Variants in USP34 observed in about 807,000 individuals in gnomAD.
USP34 encodes ubiquitin carboxyl-terminal hydrolase 34.
Under a neutral mutation model 460.3 loss-of-function variants are expected in USP34, and 70 were observed. The observed-to-expected ratio is 0.15, with a 90% confidence interval of 0.13 to 0.19. The LOEUF is 0.19. Among genes scored for constraint, USP34 ranks in the 10% least tolerant of loss-of-function variants. The pLI, the probability that USP34 is intolerant of heterozygous loss-of-function variation, is 1.00. For missense variants in USP34, 3,985 were observed against 4,236.2 expected, an observed-to-expected ratio of 0.94 and a Z score of 1.65; for synonymous variants, 1,647 against 1,405.3, an observed-to-expected ratio of 1.17 and a Z score of -3.85.
chr2:61,287,644 T>C (rs1689728656), intron 34 of USP34, among the ~76,000 whole-genome samples: 1 of 152,202 alleles, frequency 6.6e-6, no homozygotes, highest in Non-Finnish European at 1.5e-5. Flanking sequence ...ACAGTAAATA[T>C]ATTTTCTCTT....
chr2:61,416,973 C>T (rs528732490), intron 2 of USP34: 2 of 1,298,922 alleles, frequency 1.5e-6, no homozygotes, highest in African/African-American at 1.4e-5. Flanking sequence ...GCTTCTCAGC[C>T]ACCATATCTT....
chr2:61,470,722 C>T lies in USP34; in HGVS notation c.-30G>A, dbSNP rs778053826. ...CGGCCGCCGCCCCCCCCCTCCCCCG[C>T]TTCGGATCACACTGACTGATCCCGA... On this transcript the variant is annotated 5_prime_UTR_variant, in exon 1 of 80. Coordinates refer to ENST00000398571, the MANE Select transcript of USP34 (RefSeq NM_014709.4). 5 of 1,582,442 alleles carry T rather than the reference C, an allele frequency of 3.2e-6. No individual in the cohort carries two copies. Among genetic ancestry groups the T allele is most frequent in the Non-Finnish European group, 4.3e-6 (5 of 1,161,958 alleles).
At chr2:61,385,811 T>G (rs2694654) in intron 5 of USP34, among the ~76,000 whole-genome samples, 53,503 of 150,230 alleles carry the variant, frequency 0.36, 9,614 homozygotes, top group Admixed American at 0.4. Context: ...TTGGCCAACA[T>G]GGTGAAACTG....
intron 41 of USP34, among the ~76,000 whole-genome samples, chr2:61,276,585 A>G (rs1278146334): frequency 6.6e-6 from 1 of 152,204 alleles, no homozygotes; most frequent in Non-Finnish European, 1.5e-5. Context: ...TGTACTATCT[A>G]AAATTATTTT....
chr2:61,216,459 G>T (rs895651319), intron 67 of USP34, among the ~76,000 whole-genome samples: 1 of 151,816 alleles, frequency 6.6e-6, no homozygotes, highest in African/African-American at 2.4e-5. Flanking sequence ...AATTAGCCAG[G>T]CGTGGTGGTG....
At position 61,394,983 on chromosome 2, in the gene USP34, T is replaced by C. The variant is rs1271912426; in HGVS notation, c.623A>G (p.His208Arg). 6.3e-6 allele frequency: 10 copies of C among 1,597,602 alleles called. No individual in the cohort carries two copies. The highest frequency in any genetic ancestry group is 7.7e-6 in the Non-Finnish European group (9 of 1,175,348). The change falls in exon 5 of 80, where the codon CAT becomes CGT. Residue 208 changes from histidine (H) to arginine (R), a missense_variant. His to Arg is a conservative substitution (Grantham distance 29). This residue lies in a region of USP34 where 331 missense variants were observed against 293.7 expected (regional missense o/e 1.13). Coordinates refer to ENST00000398571, the MANE Select transcript of USP34 (RefSeq NM_014709.4). ...AAACAAACATACATAACGAAGCAAA[T>C]GCAATGGTACTTCTACATCCTGGGA... ...CDMNDVEVPL[H>R]LLRYVCLFCG...
At chr2:61,201,754 G>A (rs914938536) in intron 75 of USP34, among the ~76,000 whole-genome samples, 1 of 152,172 alleles carries the variant, frequency 6.6e-6, no homozygotes, top group South Asian at 2.1e-4. Context: ...TTTGGTTAAA[G>A]CTGTCCGAGT....
chr2:61,368,336 G>A (rs1220201048), intron 10 of USP34, among the ~76,000 whole-genome samples: 1 of 152,106 alleles, frequency 6.6e-6, no homozygotes, highest in East Asian at 1.9e-4. Flanking sequence ...GGAGGCTGAG[G>A]CAGGAGAATC....
At chr2:61,346,835 A>G (rs1202730944) in intron 15 of USP34, among the ~76,000 whole-genome samples, 1 of 137,320 alleles carries the variant, frequency 7.3e-6, no homozygotes, top group African/African-American at 2.7e-5. Flanking sequence ...CCAACTCAAA[A>G]AAAAAAAAAA....
intron 10 of USP34, among the ~76,000 whole-genome samples, chr2:61,359,312 A>C (rs1251355588): frequency 6.6e-6 from 1 of 152,250 alleles, no homozygotes; most frequent in South Asian, 2.1e-4. Flanking sequence ...ACTGACTTTC[A>C]ACCAAGGTTG....
chr2:61,215,459 C>T (rs1282464153), intron 67 of USP34, among the ~76,000 whole-genome samples: 2 of 152,196 alleles, frequency 1.3e-5, no homozygotes, highest in East Asian at 1.9e-4. Flanking sequence ...AAGGAAAGAA[C>T]TTGGTGTTAA....
intron 2 of USP34, among the ~76,000 whole-genome samples, chr2:61,412,886 C>CAAA (rs10717013): frequency 2.8e-5 from 2 of 72,604 alleles, no homozygotes; most frequent in Admixed American, 1.6e-4. Context: ...AATCCCATCT[C>CAAA]AAAAAAAAAA....
chr2:61,431,222 T>C (rs539481769), intron 1 of USP34, among the ~76,000 whole-genome samples: 1 of 152,252 alleles, frequency 6.6e-6, no homozygotes, highest in East Asian at 1.9e-4. Flanking sequence ...TGGAGCTTTA[T>C]CAGGTTTTTG....
At position 61,380,280 on chromosome 2, in the gene USP34, T is replaced by C. The variant is rs377522881; in HGVS notation, c.903A>G (p.Lys301=). ...AGCATAATGTTGTATCCAATGGTTC[T>C]TTGACTGTGCTCCACATTAAGTCAG... The part of the protein sequence containing the change: ...NMADLMWSTV[K]EPLDTTLCFD... Residue 301 remains lysine, a synonymous_variant, in exon 7 of 80, where the codon AAA becomes AAG. Transcript: ENST00000398571. 2 of 1,614,084 alleles carry C rather than the reference T, an allele frequency of 1.2e-6. No homozygotes were observed. The highest frequency in any genetic ancestry group is 2.7e-5 in the African/African-American group (2 of 74,946).
chr2:61,241,410 T>G, intron 53 of USP34, 150 bp downstream of exon 53: 1 of 520,686 alleles, frequency 1.9e-6, no homozygotes, highest in Non-Finnish European at 3.3e-6. Flanking sequence ...GGGTCTTATA[T>G]CAGTATTACC....
chr2:61,198,574 T>C (rs1044237851), intron 75 of USP34, among the ~76,000 whole-genome samples: 1 of 148,546 alleles, frequency 6.7e-6, no homozygotes, highest in Non-Finnish European at 1.5e-5. Context: ...TTTTTTTTTT[T>C]AAGAGAGAGA....
intron 65 of USP34, 83 bp from the exon 66 acceptor site, chr2:61,221,689 A>C: frequency 8.0e-7 from 1 of 1,253,818 alleles, no homozygotes; most frequent in Non-Finnish European, 1.1e-6. Flanking sequence ...ATTCTACTAC[A>C]CACTATATTT....
At position 61,187,932 on chromosome 2, in the gene USP34, T is replaced by A. The variant is rs769393544; in HGVS notation, c.*170A>T. 9 of 1,432,022 alleles carry A rather than the reference T, an allele frequency of 6.3e-6. No homozygotes were observed. The highest frequency in any genetic ancestry group is 7.3e-6 in the Non-Finnish European group (8 of 1,091,000). The allele number at this position is 1,432,022 out of a possible 1,614,324, so 88.7% of individuals were successfully genotyped here. On this transcript the variant is annotated 3_prime_UTR_variant, in exon 80 of 80. Coordinates refer to ENST00000398571, the MANE Select transcript of USP34 (RefSeq NM_014709.4). Reference sequence around the variant, plus strand: ...AGGAAGTATACTGAAGATGCAAGTTTTTTTCATCTGGAGTTCTGCCTGACC... The same window carrying A: ...AGGAAGTATACTGAAGATGCAAGTTATTTTCATCTGGAGTTCTGCCTGACC...
intron 1 of USP34, among the ~76,000 whole-genome samples, chr2:61,427,360 CAAG>C (rs1694543301): frequency 6.6e-6 from 1 of 152,164 alleles, no homozygotes; most frequent in Non-Finnish European, 1.5e-5. Context: ...AAAGCCTTCC[CAAG>C]AAGGACAGCT....
Sources: gnomAD v4.1 joint callset for allele counts (sites outside exome capture counted in the v4.1 genomes callset) on GRCh38, gnomAD v4.1.1 for gene constraint, gnomAD v4.1.1 regional missense constraint, MANE v1.5 for transcripts, NCBI Gene and HGNC (gene_info 2026-07-23, HGNC 2026-07-21) for gene names.